SEPTIN3: variants seen among roughly 807,000 people sequenced by gnomAD.
SEPTIN3 encodes neuronal-specific septin-3.
SEPTIN3 carries 15 observed loss-of-function variants against 45.1 expected under a neutral mutation model. The observed-to-expected ratio is 0.33, with a 90% CI of 0.22 to 0.51. The LOEUF is 0.51. Ranked by LOEUF, SEPTIN3 falls within the 20% of genes least tolerant of loss-of-function variation. The pLI is 0.97. For missense variants in SEPTIN3, 289 were observed against 457.2 expected, an observed-to-expected ratio of 0.63 and a Z score of 3.35; for synonymous variants, 148 against 164.8, an observed-to-expected ratio of 0.90 and a Z score of 0.78.
chr22:41,995,217 G>A (rs2078409671), intron 11 of SEPTIN3: 3 of 999,502 alleles, frequency 3.0e-6, no homozygotes, highest in Non-Finnish European at 3.6e-6. Context: ...GACCTGAGTA[G>A]GGGGCAGGGA....
intron 6 of SEPTIN3, among the ~76,000 whole-genome samples, chr22:41,989,116 G>A (rs574088692): frequency 0.01 from 1,091 of 104,694 alleles, 3 homozygotes; most frequent in Non-Finnish European, 0.016. Context: ...GACAAAGTGA[G>A]ACCCTGTCTC....
intron 3 of SEPTIN3, among the ~76,000 whole-genome samples, chr22:41,983,259 C>T (rs1182596738): frequency 6.6e-6 from 1 of 152,204 alleles, no homozygotes; most frequent in Non-Finnish European, 1.5e-5. Context: ...ACAGTGTGCT[C>T]AGTGACAAGG....
chr22:41,996,604 C>A (rs1252969699), intron 11 of SEPTIN3: 1 of 1,147,838 alleles, frequency 8.7e-7, no homozygotes, highest in East Asian at 4.8e-5. Context: ...TCCTCCCTTG[C>A]TCACAAAGTT....
At position 41,989,560 on chromosome 22, in the gene SEPTIN3, G is replaced by A. The variant is rs371004541; in HGVS notation, c.2046-7G>A. 5 of 1,605,518 alleles carry A rather than the reference G, an allele frequency of 3.1e-6. No individual in the cohort carries two copies. Among genetic ancestry groups the A allele is most frequent in the Non-Finnish European group, 3.4e-6 (4 of 1,172,394 alleles). On this transcript the variant is annotated splice_region_variant and splice_polypyrimidine_tract_variant and intron_variant, in intron 6 of 11. Coordinates refer to ENST00000644076, the MANE Select transcript of SEPTIN3 (RefSeq NM_001363845.2). ...GCTCTGATGATTCTGCCTTTTCTGT[G>A]CCCCAGCTTGCGACCTCTGGATCTT...
At chr22:41,993,478 C>T (rs539078342) in intron 9 of SEPTIN3, among the ~76,000 whole-genome samples, 78 of 152,054 alleles carry the variant, frequency 5.1e-4, no homozygotes, top group African/African-American at 1.9e-3. Context: ...GTGCGGACCC[C>T]GATTTTTGTA....
chr22:41,983,312 T>C, intron 3 of SEPTIN3, among the ~76,000 whole-genome samples: 1 of 152,190 alleles, frequency 6.6e-6, no homozygotes, highest in Non-Finnish European at 1.5e-5. Context: ...CAAGAACCAG[T>C]AGCAAATGGG....
Position 41,972,897 on chromosome 22 carries a change from A to G in SEPTIN3, c.1405A>G (p.Met469Val), listed in dbSNP as rs1255840321. The G allele has an allele frequency of 2.5e-6, 1 of 399,166 alleles. No individual in the cohort carries two copies. Among genetic ancestry groups the G allele is most frequent in the Non-Finnish European group, 4.4e-6 (1 of 226,222 alleles). 24.7% of individuals were successfully genotyped at this position (399,166 alleles called of 1,614,324 possible). ...ATCAGACGTTGCTACATGCCTGCTA[A>G]TGCCAAGCAGATCCACAGACCTAGC... The part of the protein sequence containing the change: ...TISDVATCLL[M>V]PSRSTDLALD... The change falls in exon 2 of 12, where the codon ATG becomes GTG. Residue 469 changes from methionine (M) to valine (V), a missense_variant. By Grantham distance (21) the Met-to-Val change is conservative. Coordinates refer to ENST00000644076, the MANE Select transcript of SEPTIN3 (RefSeq NM_001363845.2).
chr22:41,987,601 T>C (rs1404932703), intron 5 of SEPTIN3, 21 bp from the exon 6 acceptor site: 1 of 1,602,166 alleles, frequency 6.2e-7, no homozygotes, highest in Non-Finnish European at 8.5e-7. Flanking sequence ...GATGCATCTA[T>C]CTACTTTCCC....
intron 7 of SEPTIN3, among the ~76,000 whole-genome samples, chr22:41,990,339 C>T (rs578081048): frequency 8.0e-5 from 12 of 150,374 alleles, no homozygotes; most frequent in African/African-American, 2.9e-4. Context: ...CAGGCGTGAG[C>T]CACCGTGCCC....
intron 2 of SEPTIN3, among the ~76,000 whole-genome samples, chr22:41,978,511 G>C (rs1183911593): frequency 6.6e-6 from 1 of 152,156 alleles, no homozygotes. Flanking sequence ...TTCAAGCCTG[G>C]GTCACCTGCC....
intron 11 of SEPTIN3, chr22:41,995,488 C>CT: frequency 1.0e-6 from 1 of 985,596 alleles, no homozygotes; most frequent in Middle Eastern, 5.2e-4. Flanking sequence ...CTGCTTCCGA[C>CT]TTTGTCTTCT....
rs190237474 is a variant in SEPTIN3, at chr22:41,996,598, C to T, written c.2506-304C>T. 2.8e-3 allele frequency: 3,232 copies of T among 1,140,234 alleles called. 4 individuals carry two copies. The highest frequency in any genetic ancestry group is 3.3e-3 in the Non-Finnish European group (3,031 of 928,876). 70.6% of individuals were successfully genotyped at this position (1,140,234 alleles called of 1,614,324 possible). A position where few individuals can be genotyped will look rare whatever the true frequency, so the allele number is the denominator to read the frequency against. Reference sequence around the variant, plus strand: ...AGGCTGCCAACCCAGCCCTCATCCTCCCTTGCTCACAAAGTTACAGGGTAG... The same window carrying T: ...AGGCTGCCAACCCAGCCCTCATCCTTCCTTGCTCACAAAGTTACAGGGTAG... On this transcript the variant is annotated intron_variant, in intron 11 of 11. Coordinates refer to ENST00000644076, the MANE Select transcript of SEPTIN3 (RefSeq NM_001363845.2).
chr22:41,981,933 G>C, intron 3 of SEPTIN3, 97 bp downstream of exon 3: 1 of 1,093,922 alleles, frequency 9.1e-7, no homozygotes, highest in Non-Finnish European at 1.3e-6. Context: ...GCTCTTCTAA[G>C]ATGAGCTGTT....
At chr22:41,977,744 A>T (rs1279490919) in intron 2 of SEPTIN3, among the ~76,000 whole-genome samples, 1 of 150,776 alleles carries the variant, frequency 6.6e-6, no homozygotes, top group South Asian at 2.1e-4. Context: ...TTGGAAAAGT[A>T]CCCTCCCCCA....
At chr22:41,973,509 A>C (rs888570920) in intron 2 of SEPTIN3, among the ~76,000 whole-genome samples, 2 of 150,240 alleles carry the variant, frequency 1.3e-5, no homozygotes, top group African/African-American at 4.9e-5. Flanking sequence ...AGTACAAAAA[A>C]AAAAAAAAAA....
intron 2 of SEPTIN3, 96 bp downstream of exon 2, chr22:41,973,092 G>A (rs1392386036): frequency 5.0e-6 from 2 of 397,804 alleles, no homozygotes; most frequent in Middle Eastern, 6.3e-4. Context: ...GTTGAGAAAC[G>A]GAGGAAGGAC....
chr22:41,987,462 G>A (rs1280659445), intron 5 of SEPTIN3, among the ~76,000 whole-genome samples, 160 bp from the exon 6 acceptor site: 1 of 152,178 alleles, frequency 6.6e-6, no homozygotes, highest in African/African-American at 2.4e-5. Flanking sequence ...ATCCAGGAAA[G>A]CCATCGGTGC....
At chr22:41,996,552 T>C in intron 11 of SEPTIN3, 1 of 1,052,126 alleles carries the variant, frequency 9.5e-7, no homozygotes, top group Non-Finnish European at 1.1e-6. Flanking sequence ...GACCCCAACC[T>C]ATGCTCTCGG....
At chr22:41,986,170 G>C (rs1468724069) in intron 4 of SEPTIN3, 58 bp downstream of exon 4, 1 of 1,593,400 alleles carries the variant, frequency 6.3e-7, no homozygotes, top group Admixed American at 1.7e-5. Context: ...CTGCTGGAAA[G>C]GGGAAAGAAT....
Sources: allele counts gnomAD v4.1 joint callset (sites outside exome capture counted in the v4.1 genomes callset), GRCh38; gene constraint gnomAD v4.1.1; transcripts MANE v1.5; gene names NCBI Gene and HGNC (gene_info 2026-07-23, HGNC 2026-07-21).